Variants in PIP4K2A observed in about 807,000 individuals in gnomAD.
PIP4K2A encodes the protein phosphatidylinositol 5-phosphate 4-kinase type-2 alpha.
Under a neutral mutation model 42.9 loss-of-function variants are expected in PIP4K2A, and 14 were observed. That is an observed-to-expected ratio of 0.33 (90% CI 0.22 to 0.51). The LOEUF (loss-of-function observed/expected upper bound fraction) is 0.51, where lower values mean the gene tolerates loss of function less well. Among genes scored for constraint, PIP4K2A ranks in the 20% least tolerant of loss-of-function variants. The pLI is 0.97. For missense variants in PIP4K2A, 434 were observed against 519.8 expected (o/e 0.83, Z 1.61); for synonymous variants, 192 against 192.2 (o/e 1.00, Z 0.01).
At chr10:22,705,893 G>A (rs1035416871) in intron 1 of PIP4K2A, among the ~76,000 whole-genome samples, 6 of 151,902 alleles carry the variant, frequency 3.9e-5, no homozygotes, top group African/African-American at 1.5e-4. Flanking sequence ...AAAGGAAAGA[G>A]GTTTAACTGA....
At chr10:22,603,993 G>GCA (rs1210047893) in intron 3 of PIP4K2A, among the ~76,000 whole-genome samples, 1 of 123,056 alleles carries the variant, frequency 8.1e-6, no homozygotes, top group Non-Finnish European at 1.6e-5. Context: ...ACATGCGCGA[G>GCA]CACACACGCG....
intron 1 of PIP4K2A, chr10:22,642,008 A>G (rs1205425952): frequency 6.6e-6 from 1 of 152,230 alleles, no homozygotes; most frequent in South Asian, 2.1e-4. Flanking sequence ...CTCTTCCCAT[A>G]ATTTAATGAT....
intron 3 of PIP4K2A, among the ~76,000 whole-genome samples, chr10:22,592,998 T>C (rs1047801158): frequency 2.0e-5 from 3 of 152,234 alleles, no homozygotes; most frequent in African/African-American, 7.2e-5. Context: ...TGCCCATGAA[T>C]TTGCAAAAGA....
At position 22,591,768 on chromosome 10, in the gene PIP4K2A, C is replaced by T; in HGVS notation, c.353G>A (p.Arg118Lys). 5 of 1,610,656 alleles carry T rather than the reference C, an allele frequency of 3.1e-6. No individual in the cohort carries two copies. The highest frequency in any genetic ancestry group is 4.2e-6 in the Non-Finnish European group (5 of 1,178,136). Reference sequence around the variant, plus strand: ...GGAGTCGTTGGGGAGGGGTGCGCTCCTGGTCAGGGAATTCTTCCCGGGTGG... The same window carrying T: ...GGAGTCGTTGGGGAGGGGTGCGCTCTTGGTCAGGGAATTCTTCCCGGGTGG... The part of the protein sequence containing the change: ...DDQDFQNSLT[R>K]SAPLPNDSQA... The change falls in exon 4 of 10, where the codon AGG becomes AAG. Residue 118 changes from arginine (R) to lysine (K), a missense_variant. By Grantham distance (26) the Arg-to-Lys change is conservative. Around this residue, in one of 2 missense-constraint regions of PIP4K2A, gnomAD observed 395 missense variants for 444.5 expected, o/e 0.89. Coordinates refer to ENST00000376573, the MANE Select transcript of PIP4K2A (RefSeq NM_005028.5).
intron 1 of PIP4K2A, 163 bp downstream of exon 1, chr10:22,714,020 G>A (rs1427932353): frequency 3.0e-6 from 2 of 676,612 alleles, no homozygotes; most frequent in Admixed American, 3.1e-5. Context: ...AGAGGGCTGG[G>A]GGCACGCGCC....
At chr10:22,696,240 T>C (rs1839969972) in intron 1 of PIP4K2A, among the ~76,000 whole-genome samples, 2 of 152,210 alleles carry the variant, frequency 1.3e-5, no homozygotes, top group Non-Finnish European at 2.9e-5. Context: ...CATCAACTTG[T>C]CTACTTTCAT....
chr10:22,552,678 A>G (rs76847649), intron 6 of PIP4K2A, among the ~76,000 whole-genome samples: 5,373 of 152,050 alleles, frequency 0.035, 155 homozygotes, highest in Non-Finnish European at 0.052. Context: ...AATTGGAAGC[A>G]CGTTAGAAAA....
chr10:22,575,389 T>C (rs1240285071), intron 4 of PIP4K2A, among the ~76,000 whole-genome samples: 1 of 152,072 alleles, frequency 6.6e-6, no homozygotes, highest in African/African-American at 2.4e-5. Context: ...TGAGCTCCCA[T>C]CACGAACTAC....
At chr10:22,641,241 C>T (rs1838777555) in intron 1 of PIP4K2A, among the ~76,000 whole-genome samples, 1 of 152,134 alleles carries the variant, frequency 6.6e-6, no homozygotes, top group Admixed American at 6.5e-5. Context: ...CATGGAAAAG[C>T]TGGGTGAAAC....
chr10:22,608,486 G>A (rs972973650), intron 2 of PIP4K2A, among the ~76,000 whole-genome samples: 2 of 152,182 alleles, frequency 1.3e-5, no homozygotes, highest in African/African-American at 4.8e-5. Context: ...TTTGCTTAGA[G>A]GAAATTCCCT....
chr10:22,620,767 C>T (rs1184540592), intron 1 of PIP4K2A, among the ~76,000 whole-genome samples: 1 of 152,224 alleles, frequency 6.6e-6, no homozygotes, highest in Non-Finnish European at 1.5e-5. Flanking sequence ...GATGACTTGG[C>T]CCATTCCAGG....
chr10:22,541,781 G>C, intron 8 of PIP4K2A, 23 bp downstream of exon 8: 1 of 1,510,198 alleles, frequency 6.6e-7, no homozygotes, highest in South Asian at 1.4e-5. Context: ...CATGCAAAAA[G>C]GGTCCACAGT....
intron 1 of PIP4K2A, among the ~76,000 whole-genome samples, chr10:22,651,314 T>C (rs1838991210): frequency 6.6e-6 from 1 of 152,184 alleles, no homozygotes; most frequent in African/African-American, 2.4e-5. Flanking sequence ...TCTGCCACTA[T>C]TCCCAGCCTC....
intron 1 of PIP4K2A, among the ~76,000 whole-genome samples, chr10:22,668,248 T>C (rs1484738787): frequency 1.3e-5 from 2 of 152,110 alleles, no homozygotes; most frequent in Non-Finnish European, 2.9e-5. Flanking sequence ...CCACGCCCAA[T>C]CTTAAGTAGT....
intron 1 of PIP4K2A, among the ~76,000 whole-genome samples, chr10:22,699,940 T>C (rs956631663): frequency 6.6e-6 from 1 of 152,164 alleles, no homozygotes; most frequent in Non-Finnish European, 1.5e-5. Flanking sequence ...AATAGATATA[T>C]AATGGACTTT....
At chr10:22,595,766 G>A (rs1414959899) in intron 3 of PIP4K2A, among the ~76,000 whole-genome samples, 3 of 152,184 alleles carry the variant, frequency 2.0e-5, no homozygotes, top group Non-Finnish European at 2.9e-5. Flanking sequence ...GCACTGGTCT[G>A]AGATCTAGAA....
rs777490245 is a variant in PIP4K2A at position 22,591,710 on chromosome 10, G to A, written c.411C>T (p.Ser137=). Residue 137 remains serine (S), a synonymous_variant, in exon 4 of 10, where the codon TCC becomes TCT. Transcript: ENST00000376573. The stretch of plus-strand genomic sequence containing the variant: ...TCTTGATGATGTATCTTTTGTCGTA[G>A]GAAGTGTGAAAACGAGCTCCACTGC... ...QARSGARFHT[S]YDKRYIIKTI... The A allele has an allele frequency of 6.2e-7, 1 of 1,613,812 alleles. No homozygotes were observed. Among genetic ancestry groups the A allele is most frequent in the Non-Finnish European group, 8.5e-7 (1 of 1,179,778 alleles).
chr10:22,600,255 A>G (rs1178918282), intron 3 of PIP4K2A, among the ~76,000 whole-genome samples: 1 of 152,028 alleles, frequency 6.6e-6, no homozygotes. Context: ...ATCATGTATG[A>G]AAAGTTTTCA....
intron 9 of PIP4K2A, 75 bp downstream of exon 9, chr10:22,539,896 A>C (rs1564410881): frequency 6.0e-6 from 4 of 661,518 alleles, no homozygotes; most frequent in South Asian, 4.6e-5. Flanking sequence ...GGAGAGAGAG[A>C]GAGAGAGAGA....
Sources: allele counts gnomAD v4.1 joint callset (sites outside exome capture counted in the v4.1 genomes callset), GRCh38; gene constraint gnomAD v4.1.1; regional missense constraint gnomAD v4.1.1; transcripts MANE v1.5; gene names NCBI Gene and HGNC (gene_info 2026-07-23, HGNC 2026-07-21).